Variants in PTPRM observed in about 807,000 individuals in gnomAD.
The protein encoded by PTPRM is protein tyrosine phosphatase receptor type M, also known as receptor-type tyrosine-protein phosphatase mu.
PTPRM carries 47 observed loss-of-function variants against 186.7 expected under a neutral mutation model. That is an observed-to-expected ratio of 0.25 (90% CI 0.20 to 0.32). The LOEUF (loss-of-function observed/expected upper bound fraction) is 0.32. PTPRM is among the 10% of genes least tolerant of loss of function. The pLI, the probability that PTPRM is intolerant of heterozygous loss-of-function variation, is 1.00. For missense variants in PTPRM, 1,494 were observed against 1,865.0 expected, an observed-to-expected ratio of 0.80 and a Z score of 3.66; for synonymous variants, 668 against 674.9, an observed-to-expected ratio of 0.99 and a Z score of 0.16.
At chr18:8,049,997 C>A (rs2087361618) in intron 7 of PTPRM, among the ~76,000 whole-genome samples, 1 of 152,074 alleles carries the variant, frequency 6.6e-6, no homozygotes, top group Non-Finnish European at 1.5e-5. Flanking sequence ...AGGCATGAGC[C>A]ACCACGCCCA....
chr18:7,577,622 A>G (rs774339439), intron 1 of PTPRM, among the ~76,000 whole-genome samples: 2 of 152,168 alleles, frequency 1.3e-5, no homozygotes, highest in Non-Finnish European at 2.9e-5. Flanking sequence ...CTCTCAAGTG[A>G]TAAAACTTAA....
At chr18:8,292,266 G>GA (rs1302908847) in intron 19 of PTPRM, among the ~76,000 whole-genome samples, 1 of 152,068 alleles carries the variant, frequency 6.6e-6, no homozygotes, top group Non-Finnish European at 1.5e-5. Context: ...GTATATGCTA[G>GA]AAAAAAGCCA....
chr18:7,656,461 G>T (rs2038851233), intron 1 of PTPRM, among the ~76,000 whole-genome samples: 1 of 152,138 alleles, frequency 6.6e-6, no homozygotes, highest in African/African-American at 2.4e-5. Flanking sequence ...TATGTAATGG[G>T]GATGGTGTTT....
At chr18:8,316,525 C>T (rs1307570357) in intron 21 of PTPRM, among the ~76,000 whole-genome samples, 1 of 152,114 alleles carries the variant, frequency 6.6e-6, no homozygotes, top group Non-Finnish European at 1.5e-5. Flanking sequence ...AGAGCCAATA[C>T]TGAGGGCCTC....
chr18:7,950,277 G>A (rs1048766029), intron 6 of PTPRM, among the ~76,000 whole-genome samples: 1 of 152,144 alleles, frequency 6.6e-6, no homozygotes, highest in African/African-American at 2.4e-5. Flanking sequence ...TGGTGGCAGT[G>A]CCTATACTCC....
intron 1 of PTPRM, among the ~76,000 whole-genome samples, chr18:7,646,622 A>G (rs2038570608): frequency 6.6e-6 from 1 of 152,060 alleles, no homozygotes; most frequent in Non-Finnish European, 1.5e-5. Flanking sequence ...GCATTTCATT[A>G]TACCCATTTC....
intron 3 of PTPRM, among the ~76,000 whole-genome samples, chr18:7,897,632 T>G (rs185459631): frequency 1.0e-3 from 154 of 152,354 alleles, no homozygotes; most frequent in African/African-American, 3.4e-3. Flanking sequence ...TTTTTGATTA[T>G]TTTTTAAAAC....
intron 14 of PTPRM, among the ~76,000 whole-genome samples, chr18:8,240,620 A>AGG (rs1411308384): frequency 5.9e-4 from 3 of 5,122 alleles, no homozygotes; most frequent in Admixed American, 2.0e-3. Flanking sequence ...AGAGGGAGGG[A>AGG]GAGAGAGAGA....
At chr18:7,899,576 G>A (rs1172691697) in intron 3 of PTPRM, among the ~76,000 whole-genome samples, 1 of 152,004 alleles carries the variant, frequency 6.6e-6, no homozygotes, top group Non-Finnish European at 1.5e-5. Context: ...ATTTAGATTG[G>A]GCTAAAGGGC....
intron 5 of PTPRM, among the ~76,000 whole-genome samples, chr18:7,943,565 G>C (rs2052332680): frequency 6.6e-6 from 1 of 152,108 alleles, no homozygotes; most frequent in Non-Finnish European, 1.5e-5. Context: ...GAACCTCGTG[G>C]CTTCATCATC....
intron 1 of PTPRM, among the ~76,000 whole-genome samples, chr18:7,582,487 C>A (rs1230725642): frequency 6.6e-6 from 1 of 152,182 alleles, no homozygotes; most frequent in Non-Finnish European, 1.5e-5. Context: ...AGTTACAAGG[C>A]CAGCCTAGAA....
chr18:8,056,510 T>C (rs1405261847), intron 7 of PTPRM, among the ~76,000 whole-genome samples: 1 of 151,924 alleles, frequency 6.6e-6, no homozygotes, highest in Non-Finnish European at 1.5e-5. Context: ...TTTTCCCTGC[T>C]ACTCAGGAGG....
At chr18:8,145,960 G>A (rs2092874465) in intron 14 of PTPRM, among the ~76,000 whole-genome samples, 1 of 151,648 alleles carries the variant, frequency 6.6e-6, no homozygotes, top group African/African-American at 2.4e-5. Context: ...CAGTGTAAAA[G>A]TGTTCCTGTT....
chr18:8,281,401 T>G (rs2094902376), intron 19 of PTPRM, among the ~76,000 whole-genome samples: 1 of 152,138 alleles, frequency 6.6e-6, no homozygotes, highest in Admixed American at 6.5e-5. Flanking sequence ...GTTGCGGGGA[T>G]TATCTTAGGG....
At chr18:7,873,382 G>A (rs1467725301) in intron 2 of PTPRM, among the ~76,000 whole-genome samples, 4 of 152,228 alleles carry the variant, frequency 2.6e-5, no homozygotes, top group South Asian at 2.1e-4. Context: ...TTATATGTTA[G>A]ACTAAATCAT....
At chr18:7,629,803 C>T (rs1030206001) in intron 1 of PTPRM, among the ~76,000 whole-genome samples, 3 of 152,030 alleles carry the variant, frequency 2.0e-5, no homozygotes, top group African/African-American at 4.8e-5. Context: ...ACTCAAAATA[C>T]ACATCATATT....
At chr18:7,887,991 A>G in intron 2 of PTPRM, 115 bp from the exon 3 acceptor site, 1 of 1,225,706 alleles carries the variant, frequency 8.2e-7, no homozygotes, top group Non-Finnish European at 1.2e-6. Context: ...TGGCAGTTTA[A>G]GCCTAAGTAA....
At chr18:7,572,217 A>C (rs2036581364) in intron 1 of PTPRM, among the ~76,000 whole-genome samples, 1 of 152,200 alleles carries the variant, frequency 6.6e-6, no homozygotes, top group South Asian at 2.1e-4. Flanking sequence ...ACAGATTTTA[A>C]GAAAAGAATC....
intron 7 of PTPRM, among the ~76,000 whole-genome samples, chr18:8,024,656 A>C (rs937961469): frequency 2.7e-5 from 4 of 150,564 alleles, no homozygotes; most frequent in South Asian, 2.1e-4. Context: ...TTCACACCAA[A>C]TTCCAAAGAT....
Sources: allele counts gnomAD v4.1 joint callset (sites outside exome capture counted in the v4.1 genomes callset), GRCh38; gene constraint gnomAD v4.1.1; transcripts MANE v1.5; gene names NCBI Gene and HGNC (gene_info 2026-07-23, HGNC 2026-07-21).